Variants in DOCK4 observed in about 807,000 individuals in gnomAD.
The protein encoded by DOCK4 is dedicator of cytokinesis protein 4.
A neutral mutation model predicts 268.1 loss-of-function variants in DOCK4; 97 were observed. That is an observed-to-expected ratio of 0.36 (90% CI 0.31 to 0.43). The LOEUF (loss-of-function observed/expected upper bound fraction) is 0.43. Ranked by LOEUF, DOCK4 falls within the 20% of genes least tolerant of loss-of-function variation. The probability of loss-of-function intolerance (pLI) is 1.00; values close to 1 mark genes in which losing one functional copy is unlikely to be tolerated. For synonymous variants in DOCK4, 954 were observed against 887.2 expected, an observed-to-expected ratio of 1.08 and a Z score of -1.34; for missense variants, 2,145 against 2,455.7, an observed-to-expected ratio of 0.87 and a Z score of 2.67.
At chr7:112,000,913 T>C (rs550775144) in intron 2 of DOCK4, among the ~76,000 whole-genome samples, 98 of 152,322 alleles carry the variant, frequency 6.4e-4, no homozygotes, top group African/African-American at 2.1e-3. Flanking sequence ...GGCCACATTA[T>C]GTCACAGGGA....
chr7:112,036,688 T>C (rs556920316), intron 1 of DOCK4, among the ~76,000 whole-genome samples: 1 of 138,972 alleles, frequency 7.2e-6, no homozygotes, highest in Admixed American at 8.0e-5. Context: ...GGAGACGGAG[T>C]CTCGCTCCAT....
chr7:111,877,592 T>A (rs1050947594), intron 16 of DOCK4, among the ~76,000 whole-genome samples: 1 of 152,168 alleles, frequency 6.6e-6, no homozygotes, highest in Admixed American at 6.6e-5. Context: ...TCAAAAACAC[T>A]TAAATTCTTC....
At chr7:111,975,183 C>T (rs893087745) in intron 8 of DOCK4, among the ~76,000 whole-genome samples, 4 of 152,198 alleles carry the variant, frequency 2.6e-5, no homozygotes, top group Non-Finnish European at 5.9e-5. Context: ...ACAAGAATCA[C>T]TTGAACCCAG....
At chr7:111,949,898 T>C (rs917971996) in intron 8 of DOCK4, among the ~76,000 whole-genome samples, 6 of 152,196 alleles carry the variant, frequency 3.9e-5, no homozygotes, top group African/African-American at 1.4e-4. Flanking sequence ...AGAAAAAAAC[T>C]GAACAAGTCA....
intron 1 of DOCK4, among the ~76,000 whole-genome samples, chr7:112,144,238 A>G (rs1815216477): frequency 6.6e-6 from 1 of 152,148 alleles, no homozygotes; most frequent in Admixed American, 6.6e-5. Flanking sequence ...CCATCTCAGT[A>G]TTTTATTTTC....
Position 111,901,332 on chromosome 7 carries a change from C to CAAAA in DOCK4, c.1317+341_1317+344dup, listed in dbSNP as rs398047987. 1.4e-3 allele frequency among the ~76,000 whole-genome samples: 103 copies of CAAAA among 75,210 alleles called. 1 individual carries two copies. Among genetic ancestry groups the CAAAA allele is most frequent in the African/African-American group, 4.7e-3 (96 of 20,574 alleles). The allele number at this position is 75,210 out of a possible 152,430, so 49.3% of individuals were successfully genotyped here. ...CTGGTGACAGAATAAGATTCTGTCTCAAAAAAAAAAAAAAAAAAAAAAAGC... is the reference window on the plus strand; with the variant it reads ...CTGGTGACAGAATAAGATTCTGTCTCAAAAAAAAAAAAAAAAAAAAAAAAAAAGC... On this transcript the variant is annotated intron_variant, in intron 14 of 52. Transcript: ENST00000428084.
At position 112,185,103 on chromosome 7, in the gene DOCK4, G is replaced by T. The variant is rs1819389264; in HGVS notation, c.37+20999C>A. ...TATTTAAAAAATAAAGAATCTATAG[G>T]AAATCAATAATACTGAACTACAGAG... On this transcript the variant is annotated intron_variant, in intron 1 of 52. Transcript: ENST00000428084. Among the ~76,000 whole-genome samples the T allele has an allele frequency of 2.0e-5, 3 of 152,224 alleles. No individual in the cohort carries two copies. The South Asian group carries it at 6.2e-4, about 32-fold the overall frequency.
intron 23 of DOCK4, among the ~76,000 whole-genome samples, chr7:111,851,444 CAAAAAAAAAAA>C (rs71524820): frequency 1.4e-5 from 1 of 73,132 alleles, no homozygotes; most frequent in African/African-American, 4.1e-5. Context: ...GACTCCATCT[CAAAAAAAAAAA>C]AAAAAAAAAA....
intron 42 of DOCK4, among the ~76,000 whole-genome samples, chr7:111,752,397 G>GGGCGCTGAGGAGTGGTTA (rs1796718475): frequency 6.6e-6 from 1 of 151,994 alleles, no homozygotes; most frequent in African/African-American, 2.4e-5. Flanking sequence ...CTATCGGTGG[G>GGGCGCTGAGGAGTGGTTA]GGCGCTGAGG....
intron 26 of DOCK4, among the ~76,000 whole-genome samples, chr7:111,826,314 T>A (rs1175166813): frequency 6.6e-6 from 1 of 152,194 alleles, no homozygotes; most frequent in Non-Finnish European, 1.5e-5. Context: ...AAGATAGACA[T>A]ATTTCATAAC....
intron 4 of DOCK4, among the ~76,000 whole-genome samples, chr7:111,994,900 G>A (rs577149593): frequency 1.3e-5 from 2 of 152,038 alleles, no homozygotes; most frequent in Admixed American, 6.6e-5. Context: ...GAGTAACGTA[G>A]TCTTCTCATT....
intron 1 of DOCK4, among the ~76,000 whole-genome samples, chr7:112,092,136 TA>T (rs1809691074): frequency 6.6e-6 from 1 of 152,176 alleles, no homozygotes. Context: ...GCTGGCTGTG[TA>T]ATAACTTTGT....
intron 20 of DOCK4, among the ~76,000 whole-genome samples, chr7:111,870,317 TC>T (rs1340896219): frequency 2.0e-5 from 3 of 150,330 alleles, no homozygotes; most frequent in African/African-American, 7.4e-5. Flanking sequence ...TTTTTCTTTT[TC>T]TTTTCTTTTT....
chr7:112,187,774 AGT>A lies in DOCK4; in HGVS notation c.37+18326_37+18327del, dbSNP rs1385067679. Among the ~76,000 whole-genome samples the A allele has an allele frequency of 2.0e-5, 3 of 152,332 alleles. No individual in the cohort carries two copies. In the East Asian group the frequency reaches 5.8e-4, roughly 29 times the overall value. On this transcript the variant is annotated intron_variant, in intron 1 of 52. Transcript: ENST00000428084. ...CTGACCAATTTTGCACAGTATGGTC[AGT>A]GAGTGCTATAATTTGGATGTAGAAT...
rs1480032784 is a variant in DOCK4 at position 111,776,425 on chromosome 7, C to A, written c.3679+1851G>T. Among the ~76,000 whole-genome samples the A allele has an allele frequency of 2.0e-5, 3 of 152,140 alleles. No homozygotes were observed. In the East Asian group the frequency reaches 5.8e-4, roughly 29 times the overall value. On this transcript the variant is annotated intron_variant, in intron 36 of 52. Coordinates refer to ENST00000428084, the MANE Select transcript of DOCK4 (RefSeq NM_001363540.2). ...AAATAAACGTCTCACTGGAAAGGCT[C>A]AATAGCTGAATGAAGCAACAGAAGA... is the stretch of plus-strand genomic sequence containing the variant.
chr7:111,759,655 TGTTTAGAC>T (rs1490333413), intron 40 of DOCK4, among the ~76,000 whole-genome samples: 2 of 152,068 alleles, frequency 1.3e-5, no homozygotes, highest in African/African-American at 4.8e-5. Context: ...CAGTTGTTTG[TGTTTAGAC>T]AATAAGAGCA....
At chr7:111,954,036 A>G (rs955680385) in intron 8 of DOCK4, among the ~76,000 whole-genome samples, 1 of 152,206 alleles carries the variant, frequency 6.6e-6, no homozygotes, top group Admixed American at 6.5e-5. Flanking sequence ...CTCATTCCCT[A>G]TGTATTAATA....
chr7:112,093,950 T>C (rs1490756266), intron 1 of DOCK4, among the ~76,000 whole-genome samples: 1 of 149,064 alleles, frequency 6.7e-6, no homozygotes, highest in African/African-American at 2.5e-5. Flanking sequence ...ACACAGAAAA[T>C]CTAGGCTTCA....
chr7:111,875,896 T>C (rs1026426982), intron 17 of DOCK4, among the ~76,000 whole-genome samples: 1 of 152,182 alleles, frequency 6.6e-6, no homozygotes, highest in African/African-American at 2.4e-5. Flanking sequence ...AATAAATAAG[T>C]AATACAACCC....
Sources: gnomAD v4.1 joint callset for allele counts (sites outside exome capture counted in the v4.1 genomes callset) on GRCh38, gnomAD v4.1.1 for gene constraint, MANE v1.5 for transcripts, NCBI Gene and HGNC (gene_info 2026-07-23, HGNC 2026-07-21) for gene names.